IL12RB2: variants seen among roughly 807,000 people sequenced by gnomAD.
The protein encoded by IL12RB2 is interleukin-12 receptor subunit beta-2.
Under a neutral mutation model 89.4 loss-of-function variants are expected in IL12RB2, and 82 were observed. The ratio of observed to expected loss-of-function variants is 0.92; its 90% confidence interval spans 0.77 to 1.10. IL12RB2 has a LOEUF of 1.10. IL12RB2 is among the 50% of genes least tolerant of loss of function. The pLI is 0.00. For missense variants in IL12RB2, 963 were observed against 1,031.9 expected, an observed-to-expected ratio of 0.93 and a Z score of 0.92; for synonymous variants, 368 against 370.1, an observed-to-expected ratio of 0.99 and a Z score of 0.07.
chr1:67,338,829 GACACACCAC>G, intron 9 of IL12RB2, 126 bp downstream of exon 9: 1 of 712,380 alleles, frequency 1.4e-6, no homozygotes, highest in Non-Finnish European at 2.6e-6. Context: ...TCACATTCAT[GACACACCAC>G]AGTGTCATGT....
chr1:67,387,607 G>A (rs1337829728), intron 15 of IL12RB2, among the ~76,000 whole-genome samples: 1 of 149,698 alleles, frequency 6.7e-6, no homozygotes, highest in Non-Finnish European at 1.5e-5. Context: ...AGGAGGCTAA[G>A]GCAGGAGAAT....
chr1:67,346,187 G>C (rs147943047), intron 9 of IL12RB2, among the ~76,000 whole-genome samples: 7 of 152,192 alleles, frequency 4.6e-5, no homozygotes, highest in African/African-American at 1.7e-4. Context: ...TAAACTCTCT[G>C]TTCCTTATTT....
intron 8 of IL12RB2, among the ~76,000 whole-genome samples, chr1:67,331,024 G>A (rs1658012245): frequency 6.6e-6 from 1 of 152,166 alleles, no homozygotes; most frequent in Admixed American, 6.5e-5. Context: ...TTAACATTGG[G>A]TAAGTTCTAC....
chr1:67,376,175 A>G (rs1000094339), intron 13 of IL12RB2, among the ~76,000 whole-genome samples: 1 of 152,090 alleles, frequency 6.6e-6, no homozygotes, highest in Non-Finnish European at 1.5e-5. Context: ...TGGAGAACAC[A>G]TTATACTTTG....
At chr1:67,377,975 A>T (rs766611786) in intron 13 of IL12RB2, among the ~76,000 whole-genome samples, 1 of 151,850 alleles carries the variant, frequency 6.6e-6, no homozygotes, top group Non-Finnish European at 1.5e-5. Flanking sequence ...AAAATACAAA[A>T]ATCAACCAGG....
At chr1:67,345,269 A>T (rs1209634477) in intron 9 of IL12RB2, among the ~76,000 whole-genome samples, 1 of 152,248 alleles carries the variant, frequency 6.6e-6, no homozygotes, top group East Asian at 1.9e-4. Flanking sequence ...ACAAACAGCT[A>T]CCCTCAAACC....
chr1:67,332,402 A>G (rs1658210960), intron 8 of IL12RB2, among the ~76,000 whole-genome samples: 1 of 152,042 alleles, frequency 6.6e-6, no homozygotes, highest in Non-Finnish European at 1.5e-5. Context: ...TTTTCAGTAG[A>G]GACAGGTTTC....
intron 9 of IL12RB2, among the ~76,000 whole-genome samples, chr1:67,343,576 T>C (rs1176005536): frequency 6.6e-6 from 1 of 152,162 alleles, no homozygotes; most frequent in African/African-American, 2.4e-5. Flanking sequence ...AGCAATCCTC[T>C]CCCTCAAACT....
rs2307153 is a variant in IL12RB2, at chr1:67,367,960, G to A, written c.1394G>A (p.Gly465Asp). ...GAATGGAGAGAGCTCCATCCAGGGG[G>A]TGACACACAGGTCCCTCTAAACTGG... is the stretch of plus-strand genomic sequence containing the variant. ...VVEWRELHPGGDTQVPLNWLR... is the reference protein window; with the variant it reads ...VVEWRELHPGDDTQVPLNWLR... Residue 465 changes from glycine to aspartate, a missense_variant, in exon 11 of 17, where the codon GGT becomes GAT. Coordinates refer to ENST00000674203, the MANE Select transcript of IL12RB2 (RefSeq NM_001374259.2). 30,622 of 1,610,054 alleles carry A rather than the reference G, an allele frequency of 0.019. 342 individuals are homozygous for A. The highest frequency in any genetic ancestry group is 0.023 in the Non-Finnish European group (26,949 of 1,176,288).
chr1:67,380,787 A>G (rs746622949), intron 14 of IL12RB2, among the ~76,000 whole-genome samples: 2 of 152,146 alleles, frequency 1.3e-5, no homozygotes, highest in Non-Finnish European at 2.9e-5. Context: ...GCAGGCAGTC[A>G]TTGATATTAC....
Position 67,395,727 on chromosome 1 carries a change from A to T in IL12RB2, c.2227A>T (p.Met743Leu), listed in dbSNP as rs766399984. Residue 743 changes from methionine to leucine, a missense_variant, in exon 17 of 17, where the codon ATG (methionine) becomes TTG (leucine). Coordinates refer to ENST00000674203, the MANE Select transcript of IL12RB2 (RefSeq NM_001374259.2). ...IQGHQASEKD[M>L]MHSASSPPPP... ...AGGTCATCAGGCCTCTGAGAAAGACATGATGCACAGTGCCTCAAGCCCACC... is the reference window on the plus strand; with the variant it reads ...AGGTCATCAGGCCTCTGAGAAAGACTTGATGCACAGTGCCTCAAGCCCACC... The T allele has an allele frequency of 5.0e-6, 8 of 1,613,952 alleles. No individual in the cohort carries two copies. The Admixed American group carries it at 1.2e-4, about 24-fold the overall frequency.
intron 4 of IL12RB2, among the ~76,000 whole-genome samples, chr1:67,325,976 C>T (rs546016044): frequency 6.6e-6 from 1 of 152,296 alleles, no homozygotes; most frequent in South Asian, 2.1e-4. Context: ...AGGGACCATG[C>T]TTGCTTTGTA....
intron 9 of IL12RB2, among the ~76,000 whole-genome samples, chr1:67,346,098 C>T (rs905954265): frequency 7.2e-5 from 11 of 152,104 alleles, no homozygotes; most frequent in African/African-American, 2.4e-4. Flanking sequence ...TAAGAGTTCA[C>T]CTCTTGGTAG....
Position 67,372,670 on chromosome 1 carries a change from G to A in IL12RB2, c.1604G>A (p.Gly535Glu), listed in dbSNP as rs911694469. The stretch of plus-strand genomic sequence containing the variant: ...ATTAATGCCATCACAGAGGAAAAGG[G>A]GAGCATTTTAATTTCATGGAACAGC... ...PHINAITEEK[G>E]SILISWNSIP... The change falls in exon 13 of 17, where the codon GGG (glycine) becomes GAG (glutamate). Residue 535 changes from glycine (G) to glutamate (E), a missense_variant. Transcript: ENST00000674203. 2 of 1,613,032 alleles carry A rather than the reference G, an allele frequency of 1.2e-6. No homozygotes were observed. Among genetic ancestry groups the A allele is most frequent in the Non-Finnish European group, 1.7e-6 (2 of 1,179,032 alleles).
chr1:67,344,873 G>A (rs1660043149), intron 9 of IL12RB2, among the ~76,000 whole-genome samples: 1 of 152,070 alleles, frequency 6.6e-6, no homozygotes, highest in South Asian at 2.1e-4. Context: ...TGTTTTCAGA[G>A]CAATACAGAG....
chr1:67,397,799 T>C lies in IL12RB2; in HGVS notation c.*1710T>C, dbSNP rs1263231542. 2.6e-5 allele frequency among the ~76,000 whole-genome samples: 4 copies of C among 152,182 alleles called. No homozygotes were observed. The highest frequency in any genetic ancestry group is 9.7e-5 in the African/African-American group (4 of 41,436). ...CCCCTTCCCACATGAACGCTGGAAC[T>C]GAGATGGCTTCCCCATCATCGTCTG... is the stretch of plus-strand genomic sequence containing the variant. On this transcript the variant is annotated 3_prime_UTR_variant, in exon 17 of 17. Coordinates refer to ENST00000674203, the MANE Select transcript of IL12RB2 (RefSeq NM_001374259.2).
chr1:67,322,738 T>A (rs1656736127), intron 4 of IL12RB2, among the ~76,000 whole-genome samples: 1 of 152,216 alleles, frequency 6.6e-6, no homozygotes, highest in African/African-American at 2.4e-5. Context: ...TTTCCCACAC[T>A]GCTGACTTGC....
intron 2 of IL12RB2, among the ~76,000 whole-genome samples, chr1:67,319,053 A>G (rs1486546656): frequency 1.3e-5 from 2 of 152,220 alleles, no homozygotes; most frequent in Non-Finnish European, 2.9e-5. Flanking sequence ...CTAGAACCCC[A>G]CAGGGACAGG....
At position 67,396,079 on chromosome 1, in the gene IL12RB2, T is replaced by A; in HGVS notation, c.2579T>A (p.Leu860His). The A allele has an allele frequency of 6.3e-7, 1 of 1,594,480 alleles. No individual in the cohort carries two copies. Among genetic ancestry groups the A allele is most frequent in the South Asian group, 1.1e-5 (1 of 90,690 alleles). The change falls in exon 17 of 17, where the codon CTC becomes CAC. Residue 860 changes from leucine to histidine, a missense_variant. Coordinates refer to ENST00000674203, the MANE Select transcript of IL12RB2 (RefSeq NM_001374259.2). ...LDQLKMRCDSLML is the reference protein window; with the variant it reads ...LDQLKMRCDSHML Reference sequence around the variant, plus strand: ...CAGTTAAAGATGAGGTGTGACTCCCTCATGCTCTGAGTGGTGAGGCTTCAA... The same window carrying A: ...CAGTTAAAGATGAGGTGTGACTCCCACATGCTCTGAGTGGTGAGGCTTCAA...
Sources: allele counts gnomAD v4.1 joint callset (sites outside exome capture counted in the v4.1 genomes callset), GRCh38; gene constraint gnomAD v4.1.1; transcripts MANE v1.5; gene names NCBI Gene and HGNC (gene_info 2026-07-23, HGNC 2026-07-21).